The following RXFP1 variants were observed in gnomAD, a reference collection of about 807,000 sequenced individuals.
The protein encoded by RXFP1 is relaxin receptor 1.
A neutral mutation model predicts 89.8 loss-of-function variants in RXFP1; 73 were observed. That is an observed-to-expected ratio of 0.81 (90% confidence interval 0.67 to 0.99). The LOEUF (loss-of-function observed/expected upper bound fraction) is 0.99, where lower values mean the gene tolerates loss of function less well. Ranked by LOEUF, RXFP1 falls within the 50% of genes least tolerant of loss-of-function variation. The pLI, the probability that RXFP1 is intolerant of heterozygous loss-of-function variation, is 0.00. For missense variants in RXFP1, 793 were observed against 895.5 expected, an observed-to-expected ratio of 0.89 and a Z score of 1.46; for synonymous variants, 277 against 305.5, an observed-to-expected ratio of 0.91 and a Z score of 0.97.
At chr4:158,535,014 T>C (rs1337926690) in intron 1 of RXFP1, among the ~76,000 whole-genome samples, 1 of 150,556 alleles carries the variant, frequency 6.6e-6, no homozygotes, top group East Asian at 1.9e-4. Context: ...TCATTTATTA[T>C]ATCTCATTTT....
At position 158,645,395 on chromosome 4, in the gene RXFP1, G is replaced by T. The variant is rs1253130623; in HGVS notation, c.1345+257G>T. Among the ~76,000 whole-genome samples the T allele has an allele frequency of 2.6e-5, 4 of 152,246 alleles. No homozygotes were observed. In the East Asian group the frequency reaches 7.7e-4, roughly 29 times the overall value. ...ATTTATTAGTTCTCTCTCATACAGT[G>T]GCTCCGAAGGCACAATATTTTGTTG... On this transcript the variant is annotated intron_variant, in intron 15 of 17. Coordinates refer to ENST00000307765, the MANE Select transcript of RXFP1 (RefSeq NM_021634.4).
At chr4:158,600,075 A>G (rs1761393583) in intron 4 of RXFP1, among the ~76,000 whole-genome samples, 1 of 152,362 alleles carries the variant, frequency 6.6e-6, no homozygotes, top group South Asian at 2.1e-4. Flanking sequence ...CAACACAAAC[A>G]TATACATTTG....
Position 158,644,973 on chromosome 4 carries a change from G to A in RXFP1, c.1180G>A (p.Asp394Asn). The A allele has an allele frequency of 1.9e-6, 3 of 1,614,134 alleles. No individual in the cohort carries two copies. Among genetic ancestry groups the A allele is most frequent in the African/African-American group, 1.3e-5 (1 of 75,052 alleles). Residue 394 changes from aspartate (D) to asparagine (N), a missense_variant, in exon 15 of 18, where the codon GAT (aspartate) becomes AAT (asparagine). Physicochemically the swap from Asp to Asn is conservative, Grantham distance 23. Transcript: ENST00000307765. ...PHVRSCKPNTDGISSLENLLA... is the reference protein window; with the variant it reads ...PHVRSCKPNTNGISSLENLLA... Reference sequence around the variant, plus strand: ...TGTTCGCAGCTGTAAACCAAACACTGATGGAATTTCATCTCTAGAGAATCT... The same window carrying A: ...TGTTCGCAGCTGTAAACCAAACACTAATGGAATTTCATCTCTAGAGAATCT...
At chr4:158,651,622 G>A in intron 17 of RXFP1, 135 bp from the exon 18 acceptor site, 1 of 606,318 alleles carries the variant, frequency 1.6e-6, no homozygotes, top group East Asian at 2.9e-5. Flanking sequence ...TATAGACTTG[G>A]TATTTAATTA....
At chr4:158,541,279 A>T (rs1746539867) in intron 1 of RXFP1, among the ~76,000 whole-genome samples, 1 of 151,758 alleles carries the variant, frequency 6.6e-6, no homozygotes. Context: ...TGGAATTAAA[A>T]TCTCATAAAT....
intron 1 of RXFP1, among the ~76,000 whole-genome samples, chr4:158,564,930 AC>A (rs1344357194): frequency 6.6e-6 from 1 of 152,084 alleles, no homozygotes; most frequent in Non-Finnish European, 1.5e-5. Context: ...TTGCCTTTCT[AC>A]TTCTGTTCCT....
At chr4:158,651,041 T>C (rs1772609169) in intron 17 of RXFP1, among the ~76,000 whole-genome samples, 4 of 152,116 alleles carry the variant, frequency 2.6e-5, no homozygotes. Context: ...CAAGGATCGC[T>C]TGGGCCCAGG....
At chr4:158,558,416 A>G (rs143523426) in intron 1 of RXFP1, among the ~76,000 whole-genome samples, 224 of 152,348 alleles carry the variant, frequency 1.5e-3, no homozygotes, top group African/African-American at 5.1e-3. Context: ...CTCAGTAGAG[A>G]GTAGCCTATT....
chr4:158,552,263 A>G (rs1005347050), intron 1 of RXFP1, among the ~76,000 whole-genome samples: 3 of 152,222 alleles, frequency 2.0e-5, no homozygotes, highest in Non-Finnish European at 4.4e-5. Flanking sequence ...ATAAAATGTG[A>G]TAGTTGGATA....
chr4:158,597,286 G>A (rs983310790), intron 3 of RXFP1, among the ~76,000 whole-genome samples: 9 of 151,986 alleles, frequency 5.9e-5, no homozygotes, highest in Non-Finnish European at 1.2e-4. Context: ...TCTCTCAAGG[G>A]CAATATAATG....
chr4:158,640,865 G>T (rs1028893210), intron 14 of RXFP1, among the ~76,000 whole-genome samples: 1 of 152,144 alleles, frequency 6.6e-6, no homozygotes, highest in Non-Finnish European at 1.5e-5. Context: ...ATATATCAAG[G>T]CATGATTCAA....
chr4:158,608,087 G>A, intron 6 of RXFP1, 44 bp downstream of exon 6: 1 of 1,261,786 alleles, frequency 7.9e-7, no homozygotes, highest in Non-Finnish European at 1.2e-6. Flanking sequence ...ATGGTAGTCT[G>A]ACAGCCTAGA....
chr4:158,639,186 T>C, intron 13 of RXFP1, 74 bp from the exon 14 acceptor site: 1 of 853,916 alleles, frequency 1.2e-6, no homozygotes, highest in Non-Finnish European at 1.9e-6. Context: ...TAAATTGTCC[T>C]TCACAGAAAC....
chr4:158,618,484 T>C (rs1280887459), intron 9 of RXFP1, among the ~76,000 whole-genome samples: 1 of 152,070 alleles, frequency 6.6e-6, no homozygotes, highest in Non-Finnish European at 1.5e-5. Context: ...AAAGTTTTCA[T>C]ATGTAAATTC....
chr4:158,595,805 A>G (rs1284557501), intron 3 of RXFP1, among the ~76,000 whole-genome samples: 1 of 152,188 alleles, frequency 6.6e-6, no homozygotes, highest in Non-Finnish European at 1.5e-5. Flanking sequence ...AATCTGTCTC[A>G]GCATCATGCC....
intron 1 of RXFP1, among the ~76,000 whole-genome samples, chr4:158,542,109 A>ATATATATATATATATATTTTTTT: frequency 4.5e-4 from 16 of 35,214 alleles, no homozygotes; most frequent in Non-Finnish European, 6.7e-4. Context: ...ATATATATAT[A>ATATATATATATATATATTTTTTT]TTTTTTTTTT....
rs144454124 is a variant in RXFP1, at chr4:158,550,272, T to C, written c.50-22426T>C. On this transcript the variant is annotated intron_variant, in intron 1 of 17. Coordinates refer to ENST00000307765, the MANE Select transcript of RXFP1 (RefSeq NM_021634.4). ...GAGCCATGTGTGGGATATAATCTCC[T>C]GGTGTGCCATTTTTTAAGCCCGTTG... 8.6e-3 allele frequency among the ~76,000 whole-genome samples: 1,309 copies of C among 152,378 alleles called. 14 individuals are homozygous for C. The highest frequency in any genetic ancestry group is 0.029 in the African/African-American group (1,202 of 41,592).
chr4:158,533,854 A>G (rs1452510440), intron 1 of RXFP1, among the ~76,000 whole-genome samples: 2 of 152,110 alleles, frequency 1.3e-5, no homozygotes, highest in East Asian at 3.9e-4. Flanking sequence ...ACACTTTTCT[A>G]TATGCTTTTT....
intron 4 of RXFP1, among the ~76,000 whole-genome samples, chr4:158,603,924 A>G (rs1391785269): frequency 7.1e-6 from 1 of 141,652 alleles, no homozygotes; most frequent in African/African-American, 2.7e-5. Context: ...AATAATAATA[A>G]TAATACAGAT....
Sources: allele counts gnomAD v4.1 joint callset (sites outside exome capture counted in the v4.1 genomes callset), GRCh38; gene constraint gnomAD v4.1.1; transcripts MANE v1.5; gene names NCBI Gene and HGNC (gene_info 2026-07-23, HGNC 2026-07-21).